SERPINF1: variants seen among roughly 807,000 people sequenced by gnomAD.
SERPINF1 encodes the protein pigment epithelium-derived factor.
Under a neutral mutation model 37.3 loss-of-function variants are expected in SERPINF1, and 29 were observed. That is an observed-to-expected ratio of 0.78 (90% CI 0.58 to 1.06). The LOEUF (loss-of-function observed/expected upper bound fraction) is 1.06. Ranked by LOEUF, SERPINF1 falls within the 50% of genes least tolerant of loss-of-function variation. The pLI is 0.00. For synonymous variants in SERPINF1, 281 were observed against 227.9 expected, an observed-to-expected ratio of 1.23 and a Z score of -2.10; for missense variants, 553 against 532.2, an observed-to-expected ratio of 1.04 and a Z score of -0.38.
chr17:1,772,886 A>G (rs1907835319), intron 5 of SERPINF1, among the ~76,000 whole-genome samples: 2 of 152,092 alleles, frequency 1.3e-5, no homozygotes, highest in East Asian at 1.9e-4. Context: ...GGGTGTCACT[A>G]TGATGCCGAG....
At chr17:1,769,785 G>A in intron 2 of SERPINF1, 67 bp from the exon 3 acceptor site, 2 of 1,552,746 alleles carry the variant, frequency 1.3e-6, no homozygotes, top group Non-Finnish European at 1.8e-6. Flanking sequence ...AAAGCCGTGA[G>A]GAGACAGTCC....
rs1374551304 is a variant in SERPINF1, at chr17:1,770,005, C to T, written c.238C>T (p.Leu80=). 7 of 1,614,106 alleles carry T rather than the reference C, an allele frequency of 4.3e-6. No homozygotes were observed. Among genetic ancestry groups the T allele is most frequent in the East Asian group, 2.2e-5 (1 of 44,896 alleles). ...SSTSPTTNVL[L]SPLSVATALS... ...CACGAGCCCCACGACCAACGTGCTC[C>T]TGTCTCCTCTCAGTGTGGCCACGGC... The change falls in exon 3 of 8, where the codon CTG becomes TTG. Residue 80 remains leucine (L), a synonymous_variant. Coordinates refer to ENST00000254722, the MANE Select transcript of SERPINF1 (RefSeq NM_002615.7).
At chr17:1,768,956 C>T (rs1458419802) in intron 2 of SERPINF1, among the ~76,000 whole-genome samples, 4 of 151,826 alleles carry the variant, frequency 2.6e-5, no homozygotes, top group Non-Finnish European at 5.9e-5. Context: ...CAGGCATGCA[C>T]CACCATGCCC....
chr17:1,765,636 ATAG>A (rs1253594928), intron 1 of SERPINF1, among the ~76,000 whole-genome samples: 1 of 152,040 alleles, frequency 6.6e-6, no homozygotes, highest in African/African-American at 2.4e-5. Context: ...TTTTATTTTA[ATAG>A]TAGGTTATTT....
rs1907616558 is a variant in SERPINF1, at chr17:1,769,926, G to C, written c.159G>C (p.Lys53Asn). The C allele has an allele frequency of 6.2e-7, 1 of 1,614,110 alleles. No homozygotes were observed. Among genetic ancestry groups the C allele is most frequent in the Non-Finnish European group, 8.5e-7 (1 of 1,180,044 alleles). Residue 53 changes from lysine to asparagine, a missense_variant, in exon 3 of 8, where the codon AAG (lysine) becomes AAC (asparagine). Transcript: ENST00000254722. ...EDPFFKVPVN[K>N]LAAAVSNFGY... ...CTTTCTTCAAAGTCCCCGTGAACAA[G>C]CTGGCAGCGGCTGTCTCCAACTTCG... is the stretch of plus-strand genomic sequence containing the variant.
In SERPINF1 at chr17:1,777,262, AC is replaced by A; in HGVS notation, c.1075del (p.Arg359GlyfsTer40). 1 of 1,614,024 alleles carries A rather than the reference AC, an allele frequency of 6.2e-7. No individual in the cohort carries two copies. Among genetic ancestry groups the A allele is most frequent in the South Asian group, 1.1e-5 (1 of 91,076 alleles). ...CCCATCAAGCTGACTCAGGTGGAAC[AC>A]CGGGCTGGCTTTGAGTGGAACGAGG... is the stretch of plus-strand genomic sequence containing the variant. ...GKPIKLTQVE[H>X]RAGFEWNEDG... On this transcript the variant is annotated frameshift_variant, in exon 8 of 8. Coordinates refer to ENST00000254722, the MANE Select transcript of SERPINF1 (RefSeq NM_002615.7). LOFTEE classifies it high-confidence loss of function.
At chr17:1,763,784 G>A (rs973933464) in intron 1 of SERPINF1, among the ~76,000 whole-genome samples, 16 of 152,236 alleles carry the variant, frequency 1.1e-4, no homozygotes, top group Non-Finnish European at 2.2e-4. Flanking sequence ...CCCACATTGT[G>A]ACAATCATCT....
intron 6 of SERPINF1, among the ~76,000 whole-genome samples, chr17:1,775,989 C>A (rs895220948): frequency 6.6e-6 from 1 of 152,204 alleles, no homozygotes; most frequent in African/African-American, 2.4e-5. Flanking sequence ...GGTGTGCACA[C>A]ACGTTTCTGT....
At chr17:1,764,112 G>A (rs1420227360) in intron 1 of SERPINF1, among the ~76,000 whole-genome samples, 3 of 152,206 alleles carry the variant, frequency 2.0e-5, no homozygotes, top group Non-Finnish European at 4.4e-5. Context: ...AACCCGGGAG[G>A]TGGAAGTTGC....
intron 3 of SERPINF1, 76 bp from the exon 4 acceptor site, chr17:1,770,953 G>A: frequency 6.3e-7 from 1 of 1,576,620 alleles, no homozygotes; most frequent in South Asian, 1.1e-5. Flanking sequence ...TGAGTATAGT[G>A]TCTGTGTTCT....
chr17:1,769,301 C>T (rs538678451), intron 2 of SERPINF1, among the ~76,000 whole-genome samples: 6 of 151,092 alleles, frequency 4.0e-5, no homozygotes, highest in Non-Finnish European at 8.8e-5. Context: ...CCCAGCTACT[C>T]GGGAGGCTGA....
At position 1,765,565 on chromosome 17, in the gene SERPINF1, G is replaced by A. The variant is rs1420059089; in HGVS notation, c.-8-1338G>A. 4.0e-5 allele frequency among the ~76,000 whole-genome samples: 6 copies of A among 151,510 alleles called. No individual in the cohort carries two copies. The East Asian group carries it at 7.8e-4, about 20-fold the overall frequency. On this transcript the variant is annotated intron_variant, in intron 1 of 7. Coordinates refer to ENST00000254722, the MANE Select transcript of SERPINF1 (RefSeq NM_002615.7). ...TCGAACTCCTGACCTCAGGCTATCC[G>A]CCTGCCTCAGCCTCCCAAAGTGCTG...
At chr17:1,773,218 G>A (rs916793067) in intron 5 of SERPINF1, among the ~76,000 whole-genome samples, 1 of 152,112 alleles carries the variant, frequency 6.6e-6, no homozygotes, top group Non-Finnish European at 1.5e-5. Flanking sequence ...GTCTGTTTGG[G>A]GCTTTCCCAG....
At position 1,767,303 on chromosome 17, in the gene SERPINF1, C is replaced by T. The variant is rs575753432; in HGVS notation, c.84+309C>T. Among the ~76,000 whole-genome samples, 25 of 152,210 alleles carry T rather than the reference C, an allele frequency of 1.6e-4. 1 individual carries two copies. The South Asian group carries it at 1.9e-3, about 11-fold the overall frequency. Reference sequence around the variant, plus strand: ...GATTACAGGCATGCACCACCAAGCCCGGCTCATTTTGTATTTTTAGTAGAG... The same window carrying T: ...GATTACAGGCATGCACCACCAAGCCTGGCTCATTTTGTATTTTTAGTAGAG... On this transcript the variant is annotated intron_variant, in intron 2 of 7. Transcript: ENST00000254722.
intron 3 of SERPINF1, 48 bp from the exon 4 acceptor site, chr17:1,770,981 G>C (rs747719457): frequency 6.2e-7 from 1 of 1,612,304 alleles, no homozygotes. Flanking sequence ...GGCTTGATTT[G>C]GGGCCCTGGT....
intron 4 of SERPINF1, chr17:1,771,591 A>G: frequency 4.0e-6 from 2 of 497,090 alleles, no homozygotes; most frequent in Non-Finnish European, 7.3e-6. Flanking sequence ...ACTGGTGTGG[A>G]GGAAGGGCCC....
At chr17:1,770,646 G>A in intron 3 of SERPINF1, 1 of 289,580 alleles carries the variant, frequency 3.5e-6, no homozygotes, top group Non-Finnish European at 6.8e-6. Context: ...TTTTAGTAGA[G>A]ACGGGGTTTC....
intron 1 of SERPINF1, chr17:1,766,687 G>T: frequency 1.8e-6 from 1 of 570,672 alleles, no homozygotes; most frequent in Non-Finnish European, 3.1e-6. Context: ...CTGAGGCAGG[G>T]GGAGGGGCGG....
intron 6 of SERPINF1, 113 bp downstream of exon 6, chr17:1,775,313 C>T (rs1907964663): frequency 1.8e-6 from 2 of 1,104,218 alleles, no homozygotes; most frequent in South Asian, 1.5e-5. Flanking sequence ...CTACATGTCG[C>T]CTGCTGTGTG....
Sources: allele counts gnomAD v4.1 joint callset (sites outside exome capture counted in the v4.1 genomes callset), GRCh38; gene constraint gnomAD v4.1.1; transcripts MANE v1.5; gene names NCBI Gene and HGNC (gene_info 2026-07-23, HGNC 2026-07-21).